CDH23: variants seen among roughly 807,000 people sequenced by gnomAD.
CDH23 encodes the protein cadherin-23.
CDH23 carries 189 observed loss-of-function variants against 317.1 expected under a neutral mutation model. That is an observed-to-expected ratio of 0.60 (90% CI 0.53 to 0.67). CDH23 has a LOEUF of 0.67. CDH23 is among the 30% of genes least tolerant of loss of function. The pLI, the probability that CDH23 is intolerant of heterozygous loss-of-function variation, is 0.00. For missense variants in CDH23, 4,401 were observed against 4,592.4 expected (o/e 0.96, Z 1.20); for synonymous variants, 1,839 against 1,876.8 (o/e 0.98, Z 0.52).
chr10:71,609,867 C>T (rs1564685414), intron 9 of CDH23, among the ~76,000 whole-genome samples: 1 of 152,118 alleles, frequency 6.6e-6, no homozygotes, highest in East Asian at 1.9e-4. Flanking sequence ...TGGAAGACAT[C>T]GCAACATGGA....
At position 71,777,867 on chromosome 10, in the gene CDH23, A is replaced by G; in HGVS notation, c.5033A>G (p.Asn1678Ser). The stretch of plus-strand genomic sequence containing the variant: ...GTCACCTATGCCATCGTCGCAGGCA[A>G]CATCGTCAACACCTTCCGCATCGAC... ...GTVTYAIVAG[N>S]IVNTFRIDRH... Residue 1678 changes from asparagine (N) to serine (S), a missense_variant, in exon 39 of 70, where the codon AAC (asparagine) becomes AGC (serine). Asn to Ser is a conservative substitution (Grantham distance 46, BLOSUM62 1). Coordinates refer to ENST00000224721, the MANE Select transcript of CDH23 (RefSeq NM_022124.6). The G allele has an allele frequency of 1.2e-6, 2 of 1,613,982 alleles. No homozygotes were observed. Among genetic ancestry groups the G allele is most frequent in the Non-Finnish European group, 8.5e-7 (1 of 1,179,894 alleles).
At chr10:71,473,910 GC>G (rs957524841) in intron 3 of CDH23, among the ~76,000 whole-genome samples, 1 of 152,186 alleles carries the variant, frequency 6.6e-6, no homozygotes, top group Non-Finnish European at 1.5e-5. Flanking sequence ...CCAGTCGTTA[GC>G]CCAGCTGACA....
At position 71,441,439 on chromosome 10, in the gene CDH23, C is replaced by T. The variant is rs554898648; in HGVS notation, c.67+1541C>T. ...ATCCGTTAAAAAGAAATACATTTGGCCCGGCATGGTGGCTCTTGCTTATAA... is the reference window on the plus strand; with the variant it reads ...ATCCGTTAAAAAGAAATACATTTGGTCCGGCATGGTGGCTCTTGCTTATAA... On this transcript the variant is annotated intron_variant, in intron 2 of 69. Coordinates refer to ENST00000224721, the MANE Select transcript of CDH23 (RefSeq NM_022124.6). Among the ~76,000 whole-genome samples, 9 of 152,300 alleles carry T rather than the reference C, an allele frequency of 5.9e-5. No homozygotes were observed. In the South Asian group the frequency reaches 1.9e-3, roughly 32 times the overall value.
At chr10:71,737,248 A>G (rs75717979) in intron 34 of CDH23, among the ~76,000 whole-genome samples, 3,295 of 152,324 alleles carry the variant, frequency 0.022, 215 homozygotes, top group East Asian at 0.19. Flanking sequence ...GGCAGGAAGC[A>G]GGAACAGGGA....
chr10:71,644,750 G>A (rs1162531921), intron 12 of CDH23, among the ~76,000 whole-genome samples: 1 of 152,244 alleles, frequency 6.6e-6, no homozygotes, highest in Admixed American at 6.5e-5. Flanking sequence ...CTGGCCACTG[G>A]GCTAGGGGTG....
intron 1 of CDH23, among the ~76,000 whole-genome samples, chr10:71,437,543 T>C (rs556211103): frequency 1.3e-5 from 2 of 152,344 alleles, no homozygotes; most frequent in East Asian, 3.9e-4. Flanking sequence ...GGTAACTCCA[T>C]TATTCTCAAA....
intron 3 of CDH23, chr10:71,509,875 G>T (rs2132194853): frequency 1.7e-6 from 1 of 593,374 alleles, no homozygotes; most frequent in East Asian, 2.8e-5. Flanking sequence ...ATACCATCAT[G>T]ACACACTGTG....
At position 71,397,794 on chromosome 10, in the gene CDH23, G is replaced by A. The variant is rs890918471; in HGVS notation, c.-6+476G>A. ...CACCCCTACTGCGGGCTGGGCAGAG[G>A]CGCTGAGGGGAACTAAAGGCACGTA... On this transcript the variant is annotated intron_variant, in intron 1 of 69. Transcript: ENST00000224721. The surrounding 1 kb of genome is among the most constrained non-coding windows in gnomAD (Gnocchi z 4.8). Among the ~76,000 whole-genome samples, 1 of 152,104 alleles carries A rather than the reference G, an allele frequency of 6.6e-6. No homozygotes were observed. Among genetic ancestry groups the A allele is most frequent in the Middle Eastern group, 3.2e-3 (1 of 316 alleles).
chr10:71,813,502 G>A (rs1011182605), intron 69 of CDH23, among the ~76,000 whole-genome samples, 154 bp downstream of exon 69: 8 of 152,200 alleles, frequency 5.3e-5, no homozygotes, highest in African/African-American at 1.9e-4. Flanking sequence ...CAGACAGCAG[G>A]ATCTGCTTTC....
chr10:71,676,229 G>A (rs554438707), intron 15 of CDH23, among the ~76,000 whole-genome samples: 3 of 151,830 alleles, frequency 2.0e-5, no homozygotes, highest in South Asian at 2.1e-4. Flanking sequence ...TAACATGCTC[G>A]AAGGCCACGT....
intron 34 of CDH23, among the ~76,000 whole-genome samples, chr10:71,737,454 C>T (rs1298095265): frequency 6.6e-6 from 1 of 152,218 alleles, no homozygotes; most frequent in East Asian, 1.9e-4. Flanking sequence ...GAGCTGCCTA[C>T]AGATAGGGGA....
At chr10:71,577,325 G>A (rs565874751) in intron 8 of CDH23, among the ~76,000 whole-genome samples, 3 of 152,014 alleles carry the variant, frequency 2.0e-5, no homozygotes, top group South Asian at 2.1e-4. Flanking sequence ...AGCAGGAATT[G>A]CCAGGCACAG....
chr10:71,778,088 A>C, intron 39 of CDH23, 101 bp from the exon 40 acceptor site: 1 of 1,530,934 alleles, frequency 6.5e-7, no homozygotes, highest in African/African-American at 1.4e-5. Flanking sequence ...GTGGTTCCCC[A>C]TCACAGCTCC....
chr10:71,758,320 C>T (rs988022218), intron 38 of CDH23, among the ~76,000 whole-genome samples: 1 of 152,140 alleles, frequency 6.6e-6, no homozygotes, highest in African/African-American at 2.4e-5. Context: ...CTCCTGGATG[C>T]CTTTGTATCT....
intron 1 of CDH23, among the ~76,000 whole-genome samples, chr10:71,403,552 C>G (rs991574722): frequency 4.9e-5 from 7 of 142,422 alleles, no homozygotes; most frequent in Non-Finnish European, 7.5e-5. Context: ...GAGTCTCTCT[C>G]TTTCGCCAAC....
At chr10:71,440,431 A>C (rs1849822038) in intron 2 of CDH23, among the ~76,000 whole-genome samples, 1 of 150,976 alleles carries the variant, frequency 6.6e-6, no homozygotes, top group African/African-American at 2.5e-5. Context: ...GTCCATCGGA[A>C]GAAAAGATGA....
At chr10:71,556,220 G>A (rs1253326696) in intron 6 of CDH23, among the ~76,000 whole-genome samples, 1 of 152,188 alleles carries the variant, frequency 6.6e-6, no homozygotes. Flanking sequence ...CCTTGGAGCA[G>A]ATGATGGTGA....
At chr10:71,564,222 G>A (rs185393285) in intron 6 of CDH23, among the ~76,000 whole-genome samples, 10 of 152,192 alleles carry the variant, frequency 6.6e-5, no homozygotes, top group Non-Finnish European at 1.5e-4. Flanking sequence ...GCATGTCTGT[G>A]CATTTCCATG....
At chr10:71,615,663 T>C (rs1396734830) in intron 10 of CDH23, 47 bp downstream of exon 10, 4 of 1,356,190 alleles carry the variant, frequency 2.9e-6, no homozygotes, top group Non-Finnish European at 4.2e-6. Flanking sequence ...GAGATGCCCC[T>C]ACTCGGATGC....
Sources: allele counts gnomAD v4.1 joint callset (sites outside exome capture counted in the v4.1 genomes callset), GRCh38; gene constraint gnomAD v4.1.1; non-coding constraint Gnocchi (gnomAD v3.1); transcripts MANE v1.5; gene names NCBI Gene and HGNC (gene_info 2026-07-23, HGNC 2026-07-21).